The following DIP2C variants were observed in gnomAD, a reference collection of about 807,000 sequenced individuals.
The protein encoded by DIP2C is disco-interacting protein 2 homolog C.
In DIP2C, 33 loss-of-function variants were observed where a neutral mutation model predicts 192.4. The ratio of observed to expected loss-of-function variants is 0.17; its 90% CI spans 0.13 to 0.23. DIP2C has a LOEUF of 0.23. DIP2C is among the 10% of genes least tolerant of loss of function. The probability of loss-of-function intolerance (pLI) is 1.00; values close to 1 mark genes in which losing one functional copy is unlikely to be tolerated. For missense variants in DIP2C, 1,537 were observed against 2,110.1 expected (o/e 0.73, Z 5.32); for synonymous variants, 979 against 864.1 (o/e 1.13, Z -2.33).
At chr10:428,190 A>G (rs922639336) in intron 4 of DIP2C, among the ~76,000 whole-genome samples, 5 of 152,168 alleles carry the variant, frequency 3.3e-5, no homozygotes, top group African/African-American at 1.2e-4. Flanking sequence ...ATAAAAAACT[A>G]AAAACCATAA....
chr10:443,123 C>A (rs1967880539), intron 3 of DIP2C, among the ~76,000 whole-genome samples: 1 of 152,104 alleles, frequency 6.6e-6, no homozygotes, highest in Non-Finnish European at 1.5e-5. Flanking sequence ...TAAGTTCCTC[C>A]AAAGCAAAGA....
rs745675676 is a variant in DIP2C, at chr10:344,990, A to G, written c.3343+9T>C. On this transcript the variant is annotated intron_variant, in intron 27 of 36. Transcript: ENST00000280886. ...TGAGCAAACCACCTTCTGCAGCTAAAGCACCAACCTGTGTCCAGGATGAGG... is the reference window on the plus strand; with the variant it reads ...TGAGCAAACCACCTTCTGCAGCTAAGGCACCAACCTGTGTCCAGGATGAGG... The G allele has an allele frequency of 1.9e-5, 30 of 1,611,286 alleles. No individual in the cohort carries two copies. The highest frequency in any genetic ancestry group is 2.5e-5 in the Non-Finnish European group (29 of 1,179,266).
intron 5 of DIP2C, among the ~76,000 whole-genome samples, chr10:420,580 G>T (rs181626934): frequency 6.6e-6 from 1 of 152,204 alleles, no homozygotes; most frequent in African/African-American, 2.4e-5. Context: ...GTGTGAAAAC[G>T]CTGGACACAG....
intron 31 of DIP2C, among the ~76,000 whole-genome samples, chr10:310,403 G>T (rs956579506): frequency 2.6e-5 from 4 of 152,214 alleles, no homozygotes; most frequent in Non-Finnish European, 5.9e-5. Flanking sequence ...CCAAGACGGC[G>T]CTGCAAAAGC....
chr10:332,410 G>C (rs1957545505), intron 29 of DIP2C, among the ~76,000 whole-genome samples: 1 of 152,082 alleles, frequency 6.6e-6, no homozygotes, highest in Admixed American at 6.6e-5. Context: ...CCATAAATAA[G>C]AAATCAACAT....
intron 1 of DIP2C, among the ~76,000 whole-genome samples, chr10:616,243 A>G (rs1430829403): frequency 6.6e-6 from 1 of 152,224 alleles, no homozygotes; most frequent in African/African-American, 2.4e-5. Context: ...GCAATCCGAT[A>G]CAAAATTTAA....
intron 1 of DIP2C, among the ~76,000 whole-genome samples, chr10:495,258 A>C (rs1468878350): frequency 6.6e-6 from 1 of 152,180 alleles, no homozygotes; most frequent in Non-Finnish European, 1.5e-5. Flanking sequence ...AAGGGCACAC[A>C]CTTCAAGAAA....
At chr10:453,339 A>G (rs1969006531) in intron 3 of DIP2C, among the ~76,000 whole-genome samples, 1 of 152,256 alleles carries the variant, frequency 6.6e-6, no homozygotes, top group African/African-American at 2.4e-5. Context: ...TGAAGGTACC[A>G]GGCAGGATTG....
At chr10:324,910 G>A (rs778722714) in intron 31 of DIP2C, 1 of 531,864 alleles carries the variant, frequency 1.9e-6, no homozygotes, top group Non-Finnish European at 3.9e-6. Context: ...CCATGTTTTG[G>A]TTCTTTTTTC....
rs550513916 is a variant in DIP2C, at chr10:497,049, A to AGGAG, written c.86-10523_86-10520dup. Among the ~76,000 whole-genome samples the AGGAG allele has an allele frequency of 9.5e-3, 1,445 of 152,280 alleles. 12 individuals carry two copies. The highest frequency in any genetic ancestry group is 0.013 in the Non-Finnish European group (873 of 68,020). On this transcript the variant is annotated intron_variant, in intron 1 of 36. Transcript: ENST00000280886. ...TGAGGCAGAAGAATGGCATGAACCC[A>AGGAG]GGAGATGGAGCTTGCAGTGAGCTGA...
intron 32 of DIP2C, among the ~76,000 whole-genome samples, chr10:299,239 G>C (rs1360976741): frequency 6.6e-6 from 1 of 152,214 alleles, no homozygotes; most frequent in Non-Finnish European, 1.5e-5. Flanking sequence ...CTATCTTACA[G>C]AACAGTTATC....
At chr10:669,833 G>A (rs1857332852) in intron 1 of DIP2C, among the ~76,000 whole-genome samples, 1 of 152,128 alleles carries the variant, frequency 6.6e-6, no homozygotes, top group Non-Finnish European at 1.5e-5. Flanking sequence ...CCAATAAGTG[G>A]GAAACATTCA....
At chr10:422,513 A>G (rs1305910600) in intron 5 of DIP2C, among the ~76,000 whole-genome samples, 1 of 152,200 alleles carries the variant, frequency 6.6e-6, no homozygotes, top group African/African-American at 2.4e-5. Context: ...GAGCACATTT[A>G]AAACCCTGTC....
rs765771934 is a variant in DIP2C, at chr10:419,150, C to T, written c.654G>A (p.Ser218=). The T allele has an allele frequency of 8.1e-6, 13 of 1,614,130 alleles. No homozygotes were observed. Among genetic ancestry groups the T allele is most frequent in the African/African-American group, 5.3e-5 (4 of 74,944 alleles). ...PDVTTYTSEH[S]IQVERPQGST... ...AACCCTGCGGTCTCTCCACCTGTAT[C>T]GAGTGCTCTGAGGTGTACGTGGTTA... Residue 218 remains serine (S), a synonymous_variant, in exon 6 of 37, where the codon TCG becomes TCA. Transcript: ENST00000280886.
At position 363,583 on chromosome 10, in the gene DIP2C, G is replaced by A. The variant is rs749752639; in HGVS notation, c.2478-272C>T. On this transcript the variant is annotated intron_variant, in intron 20 of 36. Transcript: ENST00000280886. The surrounding 1 kb of genome is among the most constrained non-coding windows in gnomAD (Gnocchi z 5.4). ...CTCTGGTGACCAGGTTGCGCCTTTC[G>A]GTACAGAGGGGCAAATGCGCAATGA... 1.3e-5 allele frequency among the ~76,000 whole-genome samples: 2 copies of A among 152,168 alleles called. No homozygotes were observed. Among genetic ancestry groups the A allele is most frequent in the Admixed American group, 1.3e-4 (2 of 15,290 alleles).
intron 1 of DIP2C, among the ~76,000 whole-genome samples, chr10:497,726 G>C (rs930341688): frequency 6.6e-6 from 1 of 152,192 alleles, no homozygotes; most frequent in South Asian, 2.1e-4. Context: ...AGGGCACCTG[G>C]CTAGTTCCGC....
chr10:321,645 G>C (rs1262915960), intron 31 of DIP2C, among the ~76,000 whole-genome samples: 9 of 91,364 alleles, frequency 9.9e-5, no homozygotes, highest in African/African-American at 3.4e-4. Context: ...TCCGGCGAGA[G>C]ACCGGCGCTG....
In DIP2C at chr10:612,430, G is replaced by C. The variant is rs117777545; in HGVS notation, c.85+77064C>G. Among the ~76,000 whole-genome samples the C allele has an allele frequency of 2.5e-3, 383 of 152,310 alleles. 1 individual carries two copies. The highest frequency in any genetic ancestry group is 0.01 in the Middle Eastern group (3 of 294). ...TATCTTTTAAGAAGATATGAAGATG[G>C]AAAGAAGTTCCCCAAGGATGGAAGG... On this transcript the variant is annotated intron_variant, in intron 1 of 36. Transcript: ENST00000280886.
chr10:580,111 G>A (rs1030133336), intron 1 of DIP2C, among the ~76,000 whole-genome samples: 3 of 152,064 alleles, frequency 2.0e-5, no homozygotes, highest in Non-Finnish European at 4.4e-5. Context: ...ATGTACATAG[G>A]TATAACATCT....
Sources: allele counts gnomAD v4.1 joint callset (sites outside exome capture counted in the v4.1 genomes callset), GRCh38; gene constraint gnomAD v4.1.1; non-coding constraint Gnocchi (gnomAD v3.1); transcripts MANE v1.5; gene names NCBI Gene and HGNC (gene_info 2026-07-23, HGNC 2026-07-21).